Variants in SH3KBP1 observed in about 807,000 individuals in gnomAD.
SH3KBP1 encodes SH3 domain-containing kinase-binding protein 1.
A neutral mutation model predicts 50.1 loss-of-function variants in SH3KBP1; 8 were observed. That is an observed-to-expected ratio of 0.16 (90% CI 0.09 to 0.29). The LOEUF (loss-of-function observed/expected upper bound fraction) is 0.29. Ranked by LOEUF, SH3KBP1 falls within the 10% of genes least tolerant of loss-of-function variation. The probability of loss-of-function intolerance (pLI) is 1.00; values close to 1 mark genes in which losing one functional copy is unlikely to be tolerated. For synonymous variants in SH3KBP1, 227 were observed against 218.6 expected (o/e 1.04, Z -0.34); for missense variants, 377 against 535.2 (o/e 0.70, Z 2.92).
chrX:19,613,976 G>A (rs1257817693), intron 8 of SH3KBP1, among the ~76,000 whole-genome samples: 2 of 112,917 alleles, frequency 1.8e-5, no homozygotes, highest in Non-Finnish European at 3.7e-5. Context: ...TGATTATATG[G>A]CCTGGTCCGA....
In SH3KBP1 at chrX:19,836,254, C is replaced by G; in HGVS notation, c.33G>C (p.Gln11His). MVEAIVEFDY[Q>H]AQHDDELTIS... ...TCGTCAGCTCATCATCGTGCTGGGC[C>G]TGGTAGTCAAACTCCACTATGGCCT... Residue 11 changes from glutamine to histidine, a missense_variant, in exon 2 of 18, where the codon CAG becomes CAC. By Grantham distance (24) the Gln-to-His change is conservative. This residue lies in a region of SH3KBP1 where 257 missense variants were observed against 374.2 expected (regional missense o/e 0.69). Coordinates refer to ENST00000397821, the MANE Select transcript of SH3KBP1 (RefSeq NM_031892.3). 3 of 1,210,668 alleles carry G rather than the reference C, an allele frequency of 2.5e-6. No individual in the cohort carries two copies. The highest frequency in any genetic ancestry group is 3.4e-6 in the Non-Finnish European group (3 of 894,891).
At position 19,595,998 on chromosome X, in the gene SH3KBP1, G is replaced by A. The variant is rs187495889; in HGVS notation, c.1006-998C>T. On this transcript the variant is annotated intron_variant, in intron 9 of 17. Transcript: ENST00000397821. ...TTACACACAGGTCCTCCATGGGATG[G>A]ATGTGTTTCTGCCTCATGATCTCAC... Among the ~76,000 whole-genome samples the A allele has an allele frequency of 2.8e-3, 311 of 112,256 alleles. 3 individuals carry two copies. The highest frequency in any genetic ancestry group is 9.4e-3 in the African/African-American group (289 of 30,905).
At chrX:19,729,615 TC>T in intron 3 of SH3KBP1, among the ~76,000 whole-genome samples, 1 of 111,926 alleles carries the variant, frequency 8.9e-6, no homozygotes, top group East Asian at 2.8e-4. Context: ...TCCATTTTAT[TC>T]CCATCAACTC....
chrX:19,838,543 T>C (rs2068122301), intron 1 of SH3KBP1, among the ~76,000 whole-genome samples: 1 of 111,735 alleles, frequency 8.9e-6, no homozygotes, highest in South Asian at 3.7e-4. Context: ...CTTGAAAAGA[T>C]CTGTGTAAAG....
At chrX:19,795,455 C>T (rs2066680324) in intron 2 of SH3KBP1, among the ~76,000 whole-genome samples, 1 of 111,587 alleles carries the variant, frequency 9.0e-6, no homozygotes, top group African/African-American at 3.3e-5. Context: ...CAAATTCTCA[C>T]ACCCTAATGT....
At chrX:19,804,882 A>ACCCCCC (rs1171123464) in intron 2 of SH3KBP1, among the ~76,000 whole-genome samples, 1 of 17,380 alleles carries the variant, frequency 5.8e-5, no homozygotes, top group African/African-American at 2.6e-4. Context: ...CCCAAACCCT[A>ACCCCCC]CCCCCCCCCC....
At chrX:19,644,269 G>T (rs1254333626) in intron 7 of SH3KBP1, among the ~76,000 whole-genome samples, 1 of 112,035 alleles carries the variant, frequency 8.9e-6, no homozygotes, top group African/African-American at 3.2e-5. Context: ...ACAAAAAATA[G>T]TAAGAATGAA....
intron 2 of SH3KBP1, among the ~76,000 whole-genome samples, chrX:19,823,603 C>A: frequency 8.9e-6 from 1 of 112,120 alleles, no homozygotes; most frequent in East Asian, 2.8e-4. Flanking sequence ...TCATGTTAGG[C>A]CCACCTGGAT....
At chrX:19,546,171 ACCCTGTGAGG>A in intron 14 of SH3KBP1, 121 bp from the exon 15 acceptor site, 2 of 827,272 alleles carry the variant, frequency 2.4e-6, no homozygotes, top group Admixed American at 5.7e-5. Context: ...TCTCACGATA[ACCCTGTGAGG>A]CAAAAAAGTG....
At chrX:19,715,616 G>T (rs1470454690) in intron 3 of SH3KBP1, among the ~76,000 whole-genome samples, 3 of 111,838 alleles carry the variant, frequency 2.7e-5, no homozygotes, top group African/African-American at 9.8e-5. Flanking sequence ...AGTCAGATCT[G>T]TTGCCCAAAG....
intron 2 of SH3KBP1, among the ~76,000 whole-genome samples, chrX:19,760,041 CCTCTCTCTCTCTCT>C (rs745515349): frequency 9.3e-4 from 47 of 50,457 alleles, no homozygotes; most frequent in Admixed American, 1.4e-3. Context: ...TCTCTCTCTC[CCTCTCTCTCTCTCT>C]CTCTCTCTCT....
At chrX:19,592,575 T>G (rs915173232) in intron 10 of SH3KBP1, among the ~76,000 whole-genome samples, 39 of 111,624 alleles carry the variant, frequency 3.5e-4, no homozygotes, top group Non-Finnish European at 1.9e-4. Context: ...GTAGCCATTT[T>G]AAAACAGGGC....
chrX:19,804,096 C>T (rs1603254147), intron 2 of SH3KBP1, among the ~76,000 whole-genome samples: 2 of 111,808 alleles, frequency 1.8e-5, no homozygotes, highest in African/African-American at 3.3e-5. Context: ...CAGTTGAACT[C>T]GGGAGGCAGA....
chrX:19,719,446 C>T (rs1297328466), intron 3 of SH3KBP1, among the ~76,000 whole-genome samples: 1 of 111,604 alleles, frequency 9.0e-6, no homozygotes, highest in African/African-American at 3.3e-5. Flanking sequence ...CTACTTCCAA[C>T]GTAATAGTCA....
At chrX:19,794,406 AATAG>A (rs2066644332) in intron 2 of SH3KBP1, among the ~76,000 whole-genome samples, 1 of 110,440 alleles carries the variant, frequency 9.1e-6, no homozygotes, top group African/African-American at 3.3e-5. Context: ...CGTCTCAATA[AATAG>A]ATAAATAAAT....
chrX:19,819,909 T>G (rs1400544795), intron 2 of SH3KBP1, among the ~76,000 whole-genome samples: 1 of 111,801 alleles, frequency 8.9e-6, no homozygotes, highest in African/African-American at 3.3e-5. Flanking sequence ...ATATGTTGTA[T>G]GTTCATTTTC....
intron 9 of SH3KBP1, among the ~76,000 whole-genome samples, chrX:19,597,608 G>A (rs1386502722): frequency 1.8e-5 from 2 of 111,428 alleles, no homozygotes; most frequent in Non-Finnish European, 3.8e-5. Context: ...TTGTAGAGAT[G>A]GAGTCTTGCT....
At position 19,670,366 on chromosome X, in the gene SH3KBP1, A is replaced by G. The variant is rs1027570984; in HGVS notation, c.726+13457T>C. On this transcript the variant is annotated intron_variant, in intron 6 of 17. Transcript: ENST00000397821. ...AATGTCGGTGACCCTCAAGAGTGAA[A>G]CGCCCCACAGCTGGCTTGCTCTGCA... 7 of 751,722 alleles carry G rather than the reference A, an allele frequency of 9.3e-6. No individual in the cohort carries two copies. In the Admixed American group the frequency reaches 6.2e-4, roughly 67 times the overall value. The allele number at this position is 751,722 out of a possible 1,213,427, so 62.0% of individuals were successfully genotyped here.
chrX:19,634,709 T>C (rs952172547), intron 7 of SH3KBP1, among the ~76,000 whole-genome samples: 3 of 111,771 alleles, frequency 2.7e-5, no homozygotes, highest in East Asian at 5.6e-4. Flanking sequence ...AGCTGGGCTT[T>C]CGCAAGCACA....
Sources: gnomAD v4.1 joint callset for allele counts (sites outside exome capture counted in the v4.1 genomes callset) on GRCh38, gnomAD v4.1.1 for gene constraint, gnomAD v4.1.1 regional missense constraint, MANE v1.5 for transcripts, NCBI Gene and HGNC (gene_info 2026-07-23, HGNC 2026-07-21) for gene names.